The following BBS9 variants were observed in gnomAD, a reference collection of about 807,000 sequenced individuals.
BBS9 encodes the protein protein PTHB1.
BBS9 carries 89 observed loss-of-function variants against 117.7 expected under a neutral mutation model. That is an observed-to-expected ratio of 0.76 (90% CI 0.64 to 0.90). BBS9 has a LOEUF of 0.90. Ranked by LOEUF, BBS9 falls within the 40% of genes least tolerant of loss-of-function variation. BBS9 has a pLI of 0.00. For missense variants in BBS9, 982 were observed against 1,042.2 expected, an observed-to-expected ratio of 0.94 and a Z score of 0.80; for synonymous variants, 379 against 370.9, an observed-to-expected ratio of 1.02 and a Z score of -0.25.
intron 1 of BBS9, among the ~76,000 whole-genome samples, chr7:33,142,164 G>T (rs999599269): frequency 2.0e-5 from 3 of 151,982 alleles, no homozygotes; most frequent in African/African-American, 7.2e-5. Flanking sequence ...CTCGTGATCC[G>T]CCCGCCTCGG....
intron 19 of BBS9, among the ~76,000 whole-genome samples, chr7:33,459,407 G>A (rs946177301): frequency 6.6e-6 from 1 of 151,752 alleles, no homozygotes; most frequent in East Asian, 1.9e-4. Flanking sequence ...GGCCAGTGAT[G>A]TTGCTAAACT....
intron 9 of BBS9, among the ~76,000 whole-genome samples, chr7:33,328,471 C>A (rs1015647747): frequency 5.3e-5 from 8 of 152,192 alleles, no homozygotes; most frequent in Non-Finnish European, 1.0e-4. Flanking sequence ...GTGCCCACGT[C>A]CAGTACTTTT....
At chr7:33,153,539 C>T (rs1793667431) in intron 3 of BBS9, among the ~76,000 whole-genome samples, 1 of 152,180 alleles carries the variant, frequency 6.6e-6, no homozygotes, top group African/African-American at 2.4e-5. Flanking sequence ...AGTTTGCCTC[C>T]TCTTTTTGAG....
At chr7:33,213,755 G>C (rs975220777) in intron 5 of BBS9, among the ~76,000 whole-genome samples, 5 of 152,036 alleles carry the variant, frequency 3.3e-5, no homozygotes, top group Non-Finnish European at 7.4e-5. Context: ...TTTGGTCCAG[G>C]GTGTGTCTAG....
intron 9 of BBS9, among the ~76,000 whole-genome samples, chr7:33,286,692 G>T (rs955648257): frequency 6.6e-6 from 1 of 151,988 alleles, no homozygotes; most frequent in East Asian, 1.9e-4. Flanking sequence ...GTGTGTGGGG[G>T]GCAGTAACAT....
intron 2 of BBS9, among the ~76,000 whole-genome samples, chr7:33,150,188 G>A: frequency 6.6e-6 from 1 of 152,190 alleles, no homozygotes; most frequent in Non-Finnish European, 1.5e-5. Context: ...CCCACTATCT[G>A]AGTAGTAAGT....
At chr7:33,191,946 G>A (rs1395084291) in intron 5 of BBS9, among the ~76,000 whole-genome samples, 3 of 149,602 alleles carry the variant, frequency 2.0e-5, no homozygotes, top group Admixed American at 2.0e-4. Flanking sequence ...CATATGTACC[G>A]GTAAAAAAAA....
intron 20 of BBS9, among the ~76,000 whole-genome samples, chr7:33,510,285 TTAAAC>T (rs1846745683): frequency 6.6e-6 from 1 of 151,956 alleles, no homozygotes; most frequent in Non-Finnish European, 1.5e-5. Flanking sequence ...AATGCAGAAT[TTAAAC>T]ATGTCTCGAT....
intron 21 of BBS9, among the ~76,000 whole-genome samples, chr7:33,566,079 A>G (rs1007494753): frequency 2.0e-5 from 3 of 151,272 alleles, no homozygotes; most frequent in Non-Finnish European, 2.9e-5. Context: ...TCCATTAGAC[A>G]GATTCTGTTG....
chr7:33,486,664 A>C (rs1311531486), intron 19 of BBS9, among the ~76,000 whole-genome samples: 1 of 152,144 alleles, frequency 6.6e-6, no homozygotes, highest in East Asian at 1.9e-4. Context: ...TTCTTTCCTG[A>C]CCCAAACTGG....
intron 5 of BBS9, among the ~76,000 whole-genome samples, chr7:33,191,262 T>C (rs2160253): frequency 0.16 from 24,374 of 152,180 alleles, 2,253 homozygotes; most frequent in South Asian, 0.26. Flanking sequence ...GCTGAAAATA[T>C]CCTTATTTGG....
At chr7:33,478,837 T>G (rs531300967) in intron 19 of BBS9, among the ~76,000 whole-genome samples, 1 of 151,448 alleles carries the variant, frequency 6.6e-6, no homozygotes, top group Non-Finnish European at 1.5e-5. Context: ...TAGTTTGTTC[T>G]CCCAAATAGG....
At chr7:33,548,413 T>C (rs1393690212) in intron 21 of BBS9, among the ~76,000 whole-genome samples, 24 of 151,952 alleles carry the variant, frequency 1.6e-4, no homozygotes, top group African/African-American at 5.1e-4. Flanking sequence ...TAGTTACATA[T>C]GTATACATGT....
chr7:33,239,206 A>T (rs1438052908), intron 5 of BBS9, among the ~76,000 whole-genome samples: 1 of 152,068 alleles, frequency 6.6e-6, no homozygotes, highest in African/African-American at 2.4e-5. Flanking sequence ...CATAATTTAT[A>T]ATAATAATAA....
In BBS9 at chr7:33,234,080, T is replaced by G. The variant is rs761322644; in HGVS notation, c.443-23156T>G. Among the ~76,000 whole-genome samples the G allele has an allele frequency of 2.0e-5, 3 of 152,158 alleles. 1 individual carries two copies. Among genetic ancestry groups the G allele is most frequent in the Non-Finnish European group, 4.4e-5 (3 of 68,034 alleles). ...ATCTCCTGTTTGTCACTTAGTAGCC[T>G]TCTCAATGATCACATCGACTGTGGT... On this transcript the variant is annotated intron_variant, in intron 5 of 22. Coordinates refer to ENST00000242067, the MANE Select transcript of BBS9 (RefSeq NM_198428.3).
At chr7:33,266,563 A>T (rs1477356113) in intron 7 of BBS9, among the ~76,000 whole-genome samples, 1 of 152,024 alleles carries the variant, frequency 6.6e-6, no homozygotes, top group African/African-American at 2.4e-5. Context: ...TTGTTGTTAG[A>T]GTGTTTCATA....
intron 19 of BBS9, among the ~76,000 whole-genome samples, chr7:33,487,274 A>T (rs545038878): frequency 9.2e-5 from 14 of 152,334 alleles, no homozygotes; most frequent in Middle Eastern, 6.8e-3. Context: ...TTTCCAGATA[A>T]GCTACTGGTT....
intron 19 of BBS9, among the ~76,000 whole-genome samples, chr7:33,491,648 G>C (rs986107454): frequency 8.5e-5 from 13 of 152,134 alleles, no homozygotes; most frequent in African/African-American, 2.9e-4. Flanking sequence ...TCTTCACAGA[G>C]CTTACATGTA....
chr7:33,430,724 C>A (rs1834312931), intron 19 of BBS9, among the ~76,000 whole-genome samples: 1 of 152,098 alleles, frequency 6.6e-6, no homozygotes, highest in Admixed American at 6.5e-5. Context: ...CACCAGTGGC[C>A]AATGGACAGT....
Sources: allele counts gnomAD v4.1 joint callset (sites outside exome capture counted in the v4.1 genomes callset), GRCh38; gene constraint gnomAD v4.1.1; transcripts MANE v1.5; gene names NCBI Gene and HGNC (gene_info 2026-07-23, HGNC 2026-07-21).